STIM2: variants seen among roughly 807,000 people sequenced by gnomAD.
STIM2 encodes stromal interaction molecule 2.
STIM2 carries 31 observed loss-of-function variants against 85.8 expected under a neutral mutation model. The ratio of observed to expected loss-of-function variants is 0.36; its 90% confidence interval spans 0.27 to 0.49. The LOEUF is 0.49. STIM2 is among the 20% of genes least tolerant of loss of function. The pLI is 0.98. For missense variants in STIM2, 841 were observed against 927.6 expected (o/e 0.91, Z 1.21); for synonymous variants, 356 against 331.1 (o/e 1.08, Z -0.82).
chr4:26,890,780 C>T (rs377525708), intron 1 of STIM2, among the ~76,000 whole-genome samples: 98 of 149,390 alleles, frequency 6.6e-4, no homozygotes, highest in African/African-American at 2.3e-3. Flanking sequence ...GCCGAGATCC[C>T]GCCACTGCAC....
intron 2 of STIM2, among the ~76,000 whole-genome samples, chr4:26,954,100 G>A (rs748949453): frequency 1.2e-4 from 19 of 152,132 alleles, no homozygotes; most frequent in Non-Finnish European, 2.5e-4. Context: ...GCCCCAGAAT[G>A]TGTCTATAAT....
intron 7 of STIM2, 54 bp from the exon 8 acceptor site, chr4:27,007,479 A>G: frequency 8.0e-7 from 1 of 1,254,450 alleles, no homozygotes; most frequent in Non-Finnish European, 1.1e-6. Context: ...AAAATATTTT[A>G]ATCCTTCCTT....
At chr4:27,006,262 C>T (rs1444677727) in intron 7 of STIM2, among the ~76,000 whole-genome samples, 5 of 152,108 alleles carry the variant, frequency 3.3e-5, no homozygotes, top group African/African-American at 9.7e-5. Flanking sequence ...TATTTTTCTA[C>T]GTAATTCTTT....
chr4:26,979,302 T>C (rs1487089145), intron 3 of STIM2, among the ~76,000 whole-genome samples: 1 of 152,224 alleles, frequency 6.6e-6, no homozygotes. Flanking sequence ...AAGTAGGCGC[T>C]GTCTGTGCTG....
Position 27,022,800 on chromosome 4 carries a change from A to G in STIM2, c.2045A>G (p.Asn682Ser), listed in dbSNP as rs1462640773. 1.2e-6 allele frequency: 2 copies of G among 1,614,082 alleles called. No homozygotes were observed. Among genetic ancestry groups the G allele is most frequent in the Admixed American group, 3.3e-5 (2 of 59,998 alleles). Residue 682 changes from asparagine to serine, a missense_variant, in exon 12 of 12, where the codon AAC (asparagine) becomes AGC (serine). Asn to Ser is a conservative substitution (Grantham distance 46). Coordinates refer to ENST00000467087, the MANE Select transcript of STIM2 (RefSeq NM_020860.4). ...ATTTTGGAGAAATCCTGTAGCATGA[A>G]CCAGCTTTCCAGTGGCATCCCGGTG...
rs959333512 is a variant in STIM2, at chr4:26,873,759, A to C, written c.151+12390A>C. 6.8e-6 allele frequency: 6 copies of C among 883,210 alleles called. No homozygotes were observed. In the African/African-American group the frequency reaches 8.2e-5, roughly 12 times the overall value. The allele number at this position is 883,210 out of a possible 1,614,324, so 54.7% of individuals were successfully genotyped here. On this transcript the variant is annotated intron_variant, in intron 1 of 11. Coordinates refer to ENST00000467087, the MANE Select transcript of STIM2 (RefSeq NM_020860.4). ...CCTCCACAGGCTCTAGGTCACTGTCAGACTCACTGGGAGAGCAGAGGGGCT... is the reference window on the plus strand; with the variant it reads ...CCTCCACAGGCTCTAGGTCACTGTCCGACTCACTGGGAGAGCAGAGGGGCT...
intron 3 of STIM2, among the ~76,000 whole-genome samples, chr4:26,980,001 C>T (rs948915428): frequency 2.0e-5 from 3 of 152,106 alleles, no homozygotes; most frequent in African/African-American, 4.8e-5. Context: ...TGGCCTCAAG[C>T]GATCCTCCCA....
At chr4:26,909,022 TG>T (rs1724233002) in intron 1 of STIM2, among the ~76,000 whole-genome samples, 1 of 152,188 alleles carries the variant, frequency 6.6e-6, no homozygotes, top group Non-Finnish European at 1.5e-5. Flanking sequence ...GAGGCTGCAG[TG>T]AGCTATGATT....
At chr4:27,020,321 T>C (rs1362452958) in intron 11 of STIM2, among the ~76,000 whole-genome samples, 1 of 152,256 alleles carries the variant, frequency 6.6e-6, no homozygotes, top group Non-Finnish European at 1.5e-5. Context: ...TGATATATTC[T>C]GTTCAATTAA....
intron 1 of STIM2, among the ~76,000 whole-genome samples, chr4:26,881,333 G>C (rs2109036488): frequency 6.6e-6 from 1 of 152,220 alleles, no homozygotes; most frequent in African/African-American, 2.4e-5. Flanking sequence ...CGGTGTGGTG[G>C]TGCATGTCTG....
chr4:26,913,373 G>A (rs1577434210), intron 1 of STIM2, among the ~76,000 whole-genome samples: 1 of 152,010 alleles, frequency 6.6e-6, no homozygotes, highest in South Asian at 2.1e-4. Context: ...ACTTCATGGA[G>A]TTTTCACTCT....
chr4:26,870,015 A>T (rs886336769), intron 1 of STIM2, among the ~76,000 whole-genome samples: 5 of 152,132 alleles, frequency 3.3e-5, no homozygotes, highest in Non-Finnish European at 5.9e-5. Context: ...GGCAACATGG[A>T]TGAACGTGGA....
intron 2 of STIM2, among the ~76,000 whole-genome samples, chr4:26,934,978 C>T (rs1008313346): frequency 2.0e-5 from 3 of 146,470 alleles, no homozygotes; most frequent in African/African-American, 7.6e-5. Context: ...GGAAAAAAAG[C>T]AGAGAATGAG....
At chr4:26,933,422 A>G (rs1053337276) in intron 2 of STIM2, among the ~76,000 whole-genome samples, 13 of 152,172 alleles carry the variant, frequency 8.5e-5, no homozygotes, top group African/African-American at 3.1e-4. Flanking sequence ...TTTGATGCAA[A>G]TGTGGAGAAA....
At chr4:26,964,554 G>C (rs1403733279) in intron 3 of STIM2, among the ~76,000 whole-genome samples, 1 of 152,090 alleles carries the variant, frequency 6.6e-6, no homozygotes, top group Non-Finnish European at 1.5e-5. Context: ...GGAAGATTTG[G>C]GTTAACTTTT....
intron 1 of STIM2, among the ~76,000 whole-genome samples, chr4:26,885,399 C>T (rs1405691487): frequency 6.6e-6 from 1 of 152,050 alleles, no homozygotes; most frequent in Non-Finnish European, 1.5e-5. Flanking sequence ...TAAGGTTAAC[C>T]ACTGTCCTTA....
rs1311565475 is a variant in STIM2, at chr4:27,024,668, A to G, written c.*1672A>G. ...TAGATTGAGTTCTGTAAGGGCAAAA[A>G]CGGATTGAAATGAACATAGCGTTTT... On this transcript the variant is annotated 3_prime_UTR_variant, in exon 12 of 12. Transcript: ENST00000467087. The G allele has an allele frequency of 6.6e-6, 1 of 152,202 alleles. No homozygotes were observed. Among genetic ancestry groups the G allele is most frequent in the Non-Finnish European group, 1.5e-5 (1 of 68,030 alleles). The allele number at this position is 152,202 out of a possible 1,614,324, so 9.4% of individuals were successfully genotyped here.
intron 3 of STIM2, among the ~76,000 whole-genome samples, chr4:26,959,357 C>T (rs761049763): frequency 2.0e-5 from 3 of 152,112 alleles, no homozygotes; most frequent in Non-Finnish European, 4.4e-5. Flanking sequence ...AAGTCTTTAT[C>T]AAGGGTTATG....
At chr4:27,005,571 T>C (rs941635335) in intron 7 of STIM2, among the ~76,000 whole-genome samples, 1 of 152,244 alleles carries the variant, frequency 6.6e-6, no homozygotes, top group African/African-American at 2.4e-5. Context: ...AAAAGCTGTT[T>C]ATTACTCAAT....
Sources: gnomAD v4.1 joint callset for allele counts (sites outside exome capture counted in the v4.1 genomes callset) on GRCh38, gnomAD v4.1.1 for gene constraint, MANE v1.5 for transcripts, NCBI Gene and HGNC (gene_info 2026-07-23, HGNC 2026-07-21) for gene names.